Variants in MOCS1 observed in about 807,000 individuals in gnomAD.
MOCS1 encodes molybdenum cofactor synthesis 1.
Under a neutral mutation model 57.6 loss-of-function variants are expected in MOCS1, and 39 were observed. The observed-to-expected ratio is 0.68, with a 90% confidence interval of 0.52 to 0.88. The LOEUF is 0.88. Ranked by LOEUF, MOCS1 falls within the 40% of genes least tolerant of loss-of-function variation. The pLI is 0.00. For synonymous variants in MOCS1, 334 were observed against 335.7 expected (o/e 1.00, Z 0.05); for missense variants, 795 against 831.1 (o/e 0.96, Z 0.53).
chr6:39,930,917 T>C (rs3008824), intron 1 of MOCS1, among the ~76,000 whole-genome samples: 55,807 of 152,054 alleles, frequency 0.37, 10,440 homozygotes, highest in South Asian at 0.48. Context: ...CCTAACTCAG[T>C]TGGAGGAGTT....
Position 39,904,972 on chromosome 6 carries a change from C to CAT in MOCS1, c.*1383_*1384dup, listed in dbSNP as rs1233841254. The CAT allele has an allele frequency of 2.2e-6, 1 of 453,900 alleles. No individual in the cohort carries two copies. The highest frequency in any genetic ancestry group is 4.4e-6 in the Non-Finnish European group (1 of 226,798). 28.1% of individuals were successfully genotyped at this position (453,900 alleles called of 1,614,324 possible). On this transcript the variant is annotated 3_prime_UTR_variant, in exon 11 of 11. Transcript: ENST00000340692. ...CAGCTCTGTGAGAACCAATTGTTTA[C>CAT]ATTTTCAGAAATTTTGCAAGCCATT... is the stretch of plus-strand genomic sequence containing the variant.
In MOCS1 at chr6:39,909,875, G is replaced by A. The variant is rs1488815619; in HGVS notation, c.1062C>T (p.Ile354=). The change falls in exon 9 of 11, where the codon ATC becomes ATT. Residue 354 remains isoleucine, a synonymous_variant. Coordinates refer to ENST00000340692, the MANE Select transcript of MOCS1 (RefSeq NM_001358530.2). ...TCTTCCTGCCCACAGCAGCCCCAAT[G>A]ATTCTCAGCAGCTCCTGCTCAGAGG... ...AGASEQELLR[I]IGAAVGRKKR... is the part of the protein sequence containing the mutation. 1.2e-6 allele frequency: 2 copies of A among 1,613,756 alleles called. 1 individual carries two copies. Among genetic ancestry groups the A allele is most frequent in the South Asian group, 2.2e-5 (2 of 91,090 alleles).
At chr6:39,933,441 G>A (rs1768743031) in intron 1 of MOCS1, among the ~76,000 whole-genome samples, 1 of 152,082 alleles carries the variant, frequency 6.6e-6, no homozygotes, top group African/African-American at 2.4e-5. Context: ...AAGTCATTGA[G>A]CAATATAGGG....
At chr6:39,913,079 T>C (rs891160081) in intron 6 of MOCS1, 75 bp from the exon 7 acceptor site, 208 of 1,160,226 alleles carry the variant, frequency 1.8e-4, no homozygotes, top group Non-Finnish European at 2.0e-4. Context: ...TTTGAGTCCA[T>C]CCCCTGCCAC....
At chr6:39,927,198 A>T in intron 2 of MOCS1, 131 bp downstream of exon 2, 1 of 1,183,274 alleles carries the variant, frequency 8.5e-7, no homozygotes, top group Non-Finnish European at 1.2e-6. Context: ...CCTGGTAAGC[A>T]AGGGGTAGCA....
rs1345858176 is a variant in MOCS1, at chr6:39,916,079, A to G, written c.572T>C (p.Val191Ala). Residue 191 changes from valine (V) to alanine (A), a missense_variant, in exon 4 of 11, where the codon GTC (valine) becomes GCC (alanine). Val to Ala is a moderately conservative substitution (Grantham distance 64). Transcript: ENST00000340692. ...CCACATCCGCTCACCTTTCCTGCGGACAATGAACTCAAACTTGGCAGGCAC... is the reference window on the plus strand; with the variant it reads ...CCACATCCGCTCACCTTTCCTGCGGGCAATGAACTCAAACTTGGCAGGCAC... ...TLVPAKFEFI[V>A]RRKGFHKVME... is the part of the protein sequence containing the mutation. 4 of 1,610,082 alleles carry G rather than the reference A, an allele frequency of 2.5e-6. No individual in the cohort carries two copies. The highest frequency in any genetic ancestry group is 3.4e-6 in the Non-Finnish European group (4 of 1,178,474).
In MOCS1 at chr6:39,909,050, C is replaced by CCCA. The variant is rs1198032470; in HGVS notation, c.1150+2_1150+4dup. ...TGAGTGGTTACGTACTGATGGGTCA[C>CCCA]CCACCGATGAGGATCATGGGCCGGT... On this transcript the variant is annotated splice_donor_region_variant and intron_variant, in intron 10 of 10. Coordinates refer to ENST00000340692, the MANE Select transcript of MOCS1 (RefSeq NM_001358530.2). 1 of 1,612,092 alleles carries CCCA rather than the reference C, an allele frequency of 6.2e-7. No individual in the cohort carries two copies.
intron 1 of MOCS1, chr6:39,927,717 T>G: frequency 6.5e-7 from 1 of 1,531,046 alleles, no homozygotes; most frequent in South Asian, 1.2e-5. Context: ...GATTTCTGGC[T>G]GGGCAGCAAG....
At chr6:39,924,394 C>T (rs1768152481) in intron 3 of MOCS1, among the ~76,000 whole-genome samples, 1 of 152,238 alleles carries the variant, frequency 6.6e-6, no homozygotes, top group Admixed American at 6.5e-5. Flanking sequence ...AAAAACAAAA[C>T]CTGCTCCAGC....
chr6:39,912,155 C>T (rs985062386), intron 8 of MOCS1, 109 bp downstream of exon 8: 1 of 876,276 alleles, frequency 1.1e-6, no homozygotes. Flanking sequence ...CAACCACCTC[C>T]CCCGACACCG....
At chr6:39,917,002 C>G (rs1386405439) in intron 3 of MOCS1, among the ~76,000 whole-genome samples, 2 of 152,184 alleles carry the variant, frequency 1.3e-5, no homozygotes, top group Non-Finnish European at 2.9e-5. Context: ...AGGAGCTGGA[C>G]AGGTTGGCCT....
rs1183996280 is a variant in MOCS1, at chr6:39,934,366, C to G, written c.52G>C (p.Ala18Pro). 1 of 1,556,582 alleles carries G rather than the reference C, an allele frequency of 6.4e-7. No homozygotes were observed. Among genetic ancestry groups the G allele is most frequent in the East Asian group, 2.4e-5 (1 of 42,094 alleles). Reference sequence around the variant, plus strand: ...GGAGCCCCTGAGCTGCAGCTCCGGGCGCTGGACCTCAGAAGCCGCCGCAGC... The same window carrying G: ...GGAGCCCCTGAGCTGCAGCTCCGGGGGCTGGACCTCAGAAGCCGCCGCAGC... ...RMLRRLLRSS[A>P]RSCSSGAPVT... Residue 18 changes from alanine (A) to proline (P), a missense_variant, in exon 1 of 11, where the codon GCC (alanine) becomes CCC (proline). Transcript: ENST00000340692.
intron 3 of MOCS1, among the ~76,000 whole-genome samples, chr6:39,920,076 C>T (rs997528419): frequency 1.3e-5 from 2 of 151,788 alleles, no homozygotes; most frequent in Non-Finnish European, 1.5e-5. Flanking sequence ...CAAATAAGTA[C>T]GAAAGGACAA....
chr6:39,910,092 C>T (rs1013933107), intron 8 of MOCS1, 137 bp from the exon 9 acceptor site: 21 of 1,298,776 alleles, frequency 1.6e-5, no homozygotes, highest in Non-Finnish European at 2.2e-5. Flanking sequence ...GGGCCCCTAG[C>T]AGTGAGAGAC....
chr6:39,921,410 A>C (rs1032995151), intron 3 of MOCS1, among the ~76,000 whole-genome samples: 1 of 152,188 alleles, frequency 6.6e-6, no homozygotes, highest in African/African-American at 2.4e-5. Context: ...AAAAAAAAAA[A>C]AACTTTTTGC....
intron 1 of MOCS1, among the ~76,000 whole-genome samples, chr6:39,929,292 C>T (rs1399738897): frequency 1.3e-5 from 2 of 152,202 alleles, no homozygotes; most frequent in Non-Finnish European, 1.5e-5. Context: ...AAAACTCAAA[C>T]TCAACCCATT....
Position 39,913,201 on chromosome 6 carries a change from T to C in MOCS1, c.757+116A>G, listed in dbSNP as rs115966071. 2,478 of 988,890 alleles carry C rather than the reference T, an allele frequency of 2.5e-3. 12 individuals carry two copies. The highest frequency in any genetic ancestry group is 0.013 in the Middle Eastern group (61 of 4,846). 61.3% of individuals were successfully genotyped at this position (988,890 alleles called of 1,614,324 possible). On this transcript the variant is annotated intron_variant, in intron 6 of 10. Coordinates refer to ENST00000340692, the MANE Select transcript of MOCS1 (RefSeq NM_001358530.2). ...GCTCCGAGAAGCCACCAACAGCCCA[T>C]CATAATCCTAGACTCACTGCCCCTG...
At position 39,934,322 on chromosome 6, in the gene MOCS1, G is replaced by C. The variant is rs746347427; in HGVS notation, c.96C>G (p.Pro32=). ...CCGAGGCAGCTCGCGCGGACTCCCCGGGGCAGGGCTGGGTCACCGGAGCCC... is the reference window on the plus strand; with the variant it reads ...CCGAGGCAGCTCGCGCGGACTCCCCCGGGCAGGGCTGGGTCACCGGAGCCC... ...SSGAPVTQPC[P]GESARAASEE... is the part of the protein sequence containing the mutation. The change falls in exon 1 of 11, where the codon CCC becomes CCG. Residue 32 remains proline, a synonymous_variant. Transcript: ENST00000340692. 2.6e-6 allele frequency: 4 copies of C among 1,549,514 alleles called. No individual in the cohort carries two copies. The highest frequency in any genetic ancestry group is 1.7e-6 in the Non-Finnish European group (2 of 1,152,060).
intron 8 of MOCS1, among the ~76,000 whole-genome samples, chr6:39,910,963 A>G (rs973024510): frequency 3.3e-5 from 5 of 152,162 alleles, no homozygotes; most frequent in Non-Finnish European, 5.9e-5. Flanking sequence ...TCAAGTGCCA[A>G]TGAGGTGGCC....
Sources: gnomAD v4.1 joint callset for allele counts (sites outside exome capture counted in the v4.1 genomes callset) on GRCh38, gnomAD v4.1.1 for gene constraint, MANE v1.5 for transcripts, NCBI Gene and HGNC (gene_info 2026-07-23, HGNC 2026-07-21) for gene names.